Variants in BTD observed in about 807,000 individuals in gnomAD.
BTD encodes the protein biotinidase.
BTD carries 13 observed loss-of-function variants against 17.7 expected under a neutral mutation model. The ratio of observed to expected loss-of-function variants is 0.74; its 90% CI spans 0.48 to 1.17. The LOEUF is 1.17. Ranked by LOEUF, BTD falls within the 50% of genes most tolerant of loss-of-function variation. BTD has a pLI of 0.00. For missense variants in BTD, 674 were observed against 650.4 expected (o/e 1.04, Z -0.39); for synonymous variants, 240 against 245.2 (o/e 0.98, Z 0.20).
At chr3:15,684,972 AG>A (rs1178482352) in intron 3 of BTD, 2 of 455,670 alleles carry the variant, frequency 4.4e-6, no homozygotes, top group African/African-American at 4.0e-5. Flanking sequence ...AAAAAAGAAA[AG>A]AAAAGAAAAG....
chr3:15,654,963 C>G (rs2065857292), downstream of BTD, among the ~76,000 whole-genome samples: 2 of 152,152 alleles, frequency 1.3e-5, no homozygotes, highest in Admixed American at 6.5e-5. Context: ...AAACTACTGA[C>G]CTCAGATGAT....
chr3:15,669,325 T>C (rs1454684622), intron 3 of BTD: 1 of 152,204 alleles, frequency 6.6e-6, no homozygotes, highest in Non-Finnish European at 1.5e-5. Context: ...GTGCCATTCA[T>C]AGAGAGGTTG....
At chr3:15,631,758 G>A (rs1438682931) in intron 1 of BTD, among the ~76,000 whole-genome samples, 1 of 152,184 alleles carries the variant, frequency 6.6e-6, no homozygotes, top group African/African-American at 2.4e-5. Flanking sequence ...TCTCCCAGAT[G>A]CTTTCTATTG....
intron 3 of BTD, among the ~76,000 whole-genome samples, chr3:15,664,953 C>CA (rs1342615477): frequency 2.6e-5 from 4 of 152,110 alleles, no homozygotes; most frequent in Non-Finnish European, 5.9e-5. Context: ...ACTAACCCCC[C>CA]ACGGCATGCA....
At chr3:15,704,290 T>C (rs562825435) in intron 3 of BTD, among the ~76,000 whole-genome samples, 5 of 152,132 alleles carry the variant, frequency 3.3e-5, no homozygotes, top group African/African-American at 1.2e-4. Flanking sequence ...GCAGAATGAC[T>C]AGAATGAGTC....
intron 3 of BTD, chr3:15,676,805 G>T: frequency 6.4e-6 from 3 of 471,694 alleles, no homozygotes; most frequent in South Asian, 7.5e-5. Context: ...AAATAATATG[G>T]CTTTTAGTTG....
chr3:15,676,901 G>T, intron 3 of BTD: 1 of 1,295,414 alleles, frequency 7.7e-7, no homozygotes, highest in Non-Finnish European at 1.1e-6. Context: ...ATAGTCACAT[G>T]TTTAAAAAAA....
chr3:15,710,377 T>G (rs1263025099), exon 4 of BTD, among the ~76,000 whole-genome samples: 2 of 152,170 alleles, frequency 1.3e-5, no homozygotes, highest in Non-Finnish European at 2.9e-5. Flanking sequence ...GACACTCAAG[T>G]CTGTTGTCCC....
intron 1 of BTD, among the ~76,000 whole-genome samples, chr3:15,624,006 T>C (rs2065013178): frequency 6.6e-6 from 1 of 152,188 alleles, no homozygotes; most frequent in African/African-American, 2.4e-5. Flanking sequence ...GCTGGTACTT[T>C]TTTCCTCTCA....
At chr3:15,665,725 C>T (rs998637799) in intron 3 of BTD, among the ~76,000 whole-genome samples, 3 of 152,200 alleles carry the variant, frequency 2.0e-5, no homozygotes, top group Admixed American at 2.0e-4. Context: ...TTGTTATGGC[C>T]AGTGGAGTGT....
In BTD at chr3:15,711,330, T is replaced by A. The variant is rs934194279; in HGVS notation, c.*1256T>A. ...AGACATATTATTTTACACTAAAGAA[T>A]TGTGTCATGAAACATCAAGAATCAC... On this transcript the variant is annotated 3_prime_UTR_variant, in exon 4 of 4. Coordinates refer to the BTD transcript ENST00000672141. The A allele has an allele frequency of 2.1e-6, 3 of 1,422,074 alleles. No homozygotes were observed. In the East Asian group the frequency reaches 6.9e-5, roughly 33 times the overall value. The allele number at this position is 1,422,074 out of a possible 1,614,324, so 88.1% of individuals were successfully genotyped here.
intron 3 of BTD, among the ~76,000 whole-genome samples, chr3:15,702,418 C>T (rs1261267726): frequency 4.6e-5 from 7 of 152,044 alleles, no homozygotes; most frequent in Non-Finnish European, 7.4e-5. Context: ...TTTTATGAAA[C>T]GCAGACAATT....
At position 15,635,795 on chromosome 3, in the gene BTD, A is replaced by C. The variant is rs2065333002; in HGVS notation, c.249+107A>C. 1 of 1,521,294 alleles carries C rather than the reference A, an allele frequency of 6.6e-7. No homozygotes were observed. The highest frequency in any genetic ancestry group is 1.7e-5 in the Admixed American group (1 of 58,782). 94.2% of individuals were successfully genotyped at this position (1,521,294 alleles called of 1,614,324 possible). A position where few individuals can be genotyped will look rare whatever the true frequency, so the allele number is the denominator to read the frequency against. On this transcript the variant is annotated intron_variant, in intron 2 of 3. Coordinates refer to ENST00000643237, the MANE Select transcript of BTD (RefSeq NM_001370658.1). The surrounding 1 kb of genome is among the most constrained non-coding windows in gnomAD (Gnocchi z 4.1). ...CAGGCTTCCTACCACCCTCTGAAAA[A>C]GCATCCAGGTAGTTAACCTGAGTTG...
upstream of BTD, chr3:15,601,556 G>A (rs778308581): frequency 5.0e-6 from 8 of 1,603,538 alleles, no homozygotes; most frequent in South Asian, 1.1e-5. Flanking sequence ...CGCCACCTCT[G>A]GTACTGCACC....
At chr3:15,686,404 G>A in intron 3 of BTD, 1 of 1,010,640 alleles carries the variant, frequency 9.9e-7, no homozygotes, top group Non-Finnish European at 1.5e-6. Flanking sequence ...TTACTTTTGG[G>A]ATAGTTGCAC....
intron 1 of BTD, among the ~76,000 whole-genome samples, chr3:15,608,764 CAAAA>C (rs895108669): frequency 3.0e-5 from 2 of 66,912 alleles, no homozygotes; most frequent in African/African-American, 5.7e-5. Context: ...GACTCCGTCT[CAAAA>C]AAAAAAAAAA....
intron 1 of BTD, among the ~76,000 whole-genome samples, chr3:15,622,663 T>C (rs55869929): frequency 0.043 from 6,561 of 152,302 alleles, 403 homozygotes; most frequent in African/African-American, 0.14. Context: ...AAGTTTACAG[T>C]TATAATAGTG....
intron 1 of BTD, among the ~76,000 whole-genome samples, chr3:15,617,866 C>T (rs1559581928): frequency 6.6e-6 from 1 of 152,174 alleles, no homozygotes; most frequent in African/African-American, 2.4e-5. Context: ...TTTATAATGT[C>T]TTGAAGTTGG....
intron 1 of BTD, among the ~76,000 whole-genome samples, chr3:15,620,354 T>C (rs948377302): frequency 2.6e-5 from 4 of 152,164 alleles, no homozygotes; most frequent in African/African-American, 7.2e-5. Context: ...TCCCAGGGTA[T>C]TAATATTAAT....
Sources: allele counts gnomAD v4.1 joint callset (sites outside exome capture counted in the v4.1 genomes callset), GRCh38; gene constraint gnomAD v4.1.1; non-coding constraint Gnocchi (gnomAD v3.1); transcripts MANE v1.5; gene names NCBI Gene and HGNC (gene_info 2026-07-23, HGNC 2026-07-21).